CCSER2: variants seen among roughly 807,000 people sequenced by gnomAD.
CCSER2 encodes serine-rich coiled-coil domain-containing protein 2.
In CCSER2, 46 loss-of-function variants were observed where a neutral mutation model predicts 92.3. The observed-to-expected ratio is 0.50, with a 90% CI of 0.39 to 0.64. The LOEUF is 0.64. CCSER2 is among the 30% of genes least tolerant of loss of function. The pLI, the probability that CCSER2 is intolerant of heterozygous loss-of-function variation, is 0.00. For missense variants in CCSER2, 1,244 were observed against 1,238.9 expected, an observed-to-expected ratio of 1.00 and a Z score of -0.06; for synonymous variants, 433 against 431.4, an observed-to-expected ratio of 1.00 and a Z score of -0.04.
intron 9 of CCSER2, among the ~76,000 whole-genome samples, chr10:84,496,506 G>A (rs1848458388): frequency 6.6e-6 from 1 of 152,012 alleles, no homozygotes; most frequent in Non-Finnish European, 1.5e-5. Flanking sequence ...AGGATGGTCT[G>A]GATCTCCTGA....
At chr10:84,465,778 T>C (rs995211863) in intron 7 of CCSER2, among the ~76,000 whole-genome samples, 2 of 151,592 alleles carry the variant, frequency 1.3e-5, no homozygotes, top group African/African-American at 2.4e-5. Flanking sequence ...TGAGATGGAG[T>C]CTTGCTCTGT....
intron 9 of CCSER2, among the ~76,000 whole-genome samples, chr10:84,507,057 G>GGT (rs1258469211): frequency 6.6e-6 from 1 of 152,164 alleles, no homozygotes; most frequent in Non-Finnish European, 1.5e-5. Flanking sequence ...GAGGTTATGA[G>GGT]TATTTGTACT....
At chr10:84,401,510 A>C (rs2133315737) in intron 3 of CCSER2, among the ~76,000 whole-genome samples, 1 of 152,330 alleles carries the variant, frequency 6.6e-6, no homozygotes, top group East Asian at 1.9e-4. Flanking sequence ...TAATTTGAAT[A>C]GCCCTATAAC....
intron 9 of CCSER2, among the ~76,000 whole-genome samples, chr10:84,481,828 A>G (rs933697199): frequency 1.3e-5 from 2 of 152,104 alleles, no homozygotes; most frequent in African/African-American, 2.4e-5. Flanking sequence ...GAGGGCAGCC[A>G]TAGGACCGTA....
At chr10:84,360,971 A>AT (rs1329804373) in intron 1 of CCSER2, among the ~76,000 whole-genome samples, 3 of 152,156 alleles carry the variant, frequency 2.0e-5, no homozygotes, top group Admixed American at 6.6e-5. Context: ...CATGCACTGG[A>AT]TTTTTTTCCT....
chr10:84,474,782 C>T (rs967482819), intron 8 of CCSER2, among the ~76,000 whole-genome samples: 1 of 151,700 alleles, frequency 6.6e-6, no homozygotes, highest in Non-Finnish European at 1.5e-5. Context: ...TGATGAATAG[C>T]AACTCTTATA....
chr10:84,468,387 T>G (rs1320895789), intron 7 of CCSER2, among the ~76,000 whole-genome samples: 1 of 152,230 alleles, frequency 6.6e-6, no homozygotes, highest in East Asian at 1.9e-4. Flanking sequence ...AAATGCTAAT[T>G]GCCCTGATCT....
intron 9 of CCSER2, among the ~76,000 whole-genome samples, chr10:84,491,789 A>T (rs1247673158): frequency 6.6e-6 from 1 of 152,024 alleles, no homozygotes; most frequent in African/African-American, 2.4e-5. Flanking sequence ...TGAAACTGGT[A>T]CCTCAGTTGG....
chr10:84,435,830 G>A (rs913686174), intron 5 of CCSER2, among the ~76,000 whole-genome samples: 1 of 152,144 alleles, frequency 6.6e-6, no homozygotes, highest in Non-Finnish European at 1.5e-5. Context: ...AACACCTGTG[G>A]AAGTGCCAAG....
At chr10:84,409,182 A>T (rs1480237798) in intron 3 of CCSER2, among the ~76,000 whole-genome samples, 1 of 151,816 alleles carries the variant, frequency 6.6e-6, no homozygotes, top group East Asian at 1.9e-4. Context: ...ATAAAGACGG[A>T]GTTTCACCAT....
chr10:84,439,357 A>T (rs1038393418), intron 6 of CCSER2, among the ~76,000 whole-genome samples: 3 of 152,168 alleles, frequency 2.0e-5, no homozygotes, highest in African/African-American at 7.2e-5. Context: ...ATCAAGGAAT[A>T]AAATACTAAT....
At chr10:84,361,701 G>T (rs1386631344) in intron 1 of CCSER2, among the ~76,000 whole-genome samples, 1 of 151,798 alleles carries the variant, frequency 6.6e-6, no homozygotes, top group South Asian at 2.1e-4. Flanking sequence ...GAGTGCAGTG[G>T]TGCAATCTCA....
At chr10:84,415,382 C>CT (rs1214636068) in intron 3 of CCSER2, among the ~76,000 whole-genome samples, 1 of 152,034 alleles carries the variant, frequency 6.6e-6, no homozygotes, top group Admixed American at 6.5e-5. Context: ...GTTTGTTTTT[C>CT]TTTTAACAGT....
chr10:84,485,603 G>A (rs987705736), intron 9 of CCSER2, among the ~76,000 whole-genome samples: 1 of 152,126 alleles, frequency 6.6e-6, no homozygotes, highest in Non-Finnish European at 1.5e-5. Flanking sequence ...GTGTACCACA[G>A]TTTAAATAAA....
intron 9 of CCSER2, among the ~76,000 whole-genome samples, chr10:84,483,312 G>GAACC (rs1847566511): frequency 6.6e-6 from 1 of 151,510 alleles, no homozygotes; most frequent in African/African-American, 2.4e-5. Flanking sequence ...AGAATCACTT[G>GAACC]AACCTGGGAG....
Position 84,371,203 on chromosome 10 carries a change from A to G in CCSER2, c.151A>G (p.Ile51Val), listed in dbSNP as rs769775447. 3.8e-5 allele frequency: 61 copies of G among 1,613,304 alleles called. No individual in the cohort carries two copies. In the South Asian group the frequency reaches 4.0e-4, roughly 10 times the overall value. Reference protein sequence around the residue: ...TSKNSNVKSYIKNNGSDCPSS... With the variant: ...TSKNSNVKSYVKNNGSDCPSS... ...CAAGAATAGTAATGTCAAAAGTTAC[A>G]TCAAAAATAATGGCTCTGATTGTCC... The change falls in exon 2 of 10, where the codon ATC (isoleucine) becomes GTC (valine). Residue 51 changes from isoleucine to valine, a missense_variant. By Grantham distance (29) the Ile-to-Val change is conservative. Coordinates refer to ENST00000372088, the MANE Select transcript of CCSER2 (RefSeq NM_001284240.2).
intron 6 of CCSER2, among the ~76,000 whole-genome samples, chr10:84,441,789 C>T (rs549169052): frequency 3.1e-4 from 34 of 110,192 alleles, no homozygotes; most frequent in African/African-American, 1.1e-3. Flanking sequence ...GACGAAGTCT[C>T]GCTGTCTCTC....
intron 3 of CCSER2, among the ~76,000 whole-genome samples, chr10:84,400,997 A>C (rs147753799): frequency 1.2e-3 from 189 of 152,294 alleles, no homozygotes; most frequent in African/African-American, 4.5e-3. Flanking sequence ...TGAGGCAGGC[A>C]GATCGCTTGA....
chr10:84,417,048 GA>G (rs1842923328), intron 3 of CCSER2, among the ~76,000 whole-genome samples: 1 of 152,176 alleles, frequency 6.6e-6, no homozygotes, highest in South Asian at 2.1e-4. Context: ...TTCATTCTTG[GA>G]TTGTAAGGAC....
Sources: gnomAD v4.1 joint callset for allele counts (sites outside exome capture counted in the v4.1 genomes callset) on GRCh38, gnomAD v4.1.1 for gene constraint, MANE v1.5 for transcripts, NCBI Gene and HGNC (gene_info 2026-07-23, HGNC 2026-07-21) for gene names.